Variants in SNX29 observed in about 807,000 individuals in gnomAD.
SNX29 encodes sorting nexin 29, also known as sorting nexin-29.
In SNX29, 78 loss-of-function variants were observed where a neutral mutation model predicts 102.1. The observed-to-expected ratio is 0.76, with a 90% confidence interval of 0.64 to 0.92. The LOEUF is 0.92. Ranked by LOEUF, SNX29 falls within the 40% of genes least tolerant of loss-of-function variation. The pLI, the probability that SNX29 is intolerant of heterozygous loss-of-function variation, is 0.00. For synonymous variants in SNX29, 580 were observed against 414.5 expected, an observed-to-expected ratio of 1.40 and a Z score of -4.85; for missense variants, 1,280 against 1,061.7, an observed-to-expected ratio of 1.21 and a Z score of -2.86.
intron 19 of SNX29, among the ~76,000 whole-genome samples, chr16:12,499,494 C>T (rs915908724): frequency 6.6e-6 from 1 of 152,184 alleles, no homozygotes. Flanking sequence ...GCTTAGGCCA[C>T]ATAGCTCTGC....
At chr16:12,527,590 A>C (rs188956029) in intron 20 of SNX29, among the ~76,000 whole-genome samples, 22 of 152,226 alleles carry the variant, frequency 1.4e-4, no homozygotes, top group Admixed American at 1.4e-3. Flanking sequence ...CGTCTTCTGG[A>C]GAGCCAATGA....
intron 13 of SNX29, among the ~76,000 whole-genome samples, chr16:12,190,660 G>C (rs1475798794): frequency 6.6e-6 from 1 of 152,162 alleles, no homozygotes; most frequent in Non-Finnish European, 1.5e-5. Context: ...GGCTGGTATG[G>C]GCAACAGGGA....
intron 1 of SNX29, among the ~76,000 whole-genome samples, chr16:11,990,292 G>A (rs2055799094): frequency 6.6e-6 from 1 of 152,172 alleles, no homozygotes; most frequent in South Asian, 2.1e-4. Flanking sequence ...TGAAAAACCA[G>A]GAGATGGGGC....
chr16:12,264,383 A>G (rs2078865174), intron 14 of SNX29, among the ~76,000 whole-genome samples: 1 of 152,252 alleles, frequency 6.6e-6, no homozygotes, highest in African/African-American at 2.4e-5. Context: ...GCTTTGTTCC[A>G]TAAACCCAGG....
intron 20 of SNX29, among the ~76,000 whole-genome samples, chr16:12,530,797 C>T (rs778035507): frequency 2.0e-5 from 3 of 152,216 alleles, no homozygotes; most frequent in Non-Finnish European, 4.4e-5. Flanking sequence ...CTCCAGTGAT[C>T]CACCCGCCTT....
chr16:12,036,626 G>A (rs1333232076), intron 4 of SNX29, among the ~76,000 whole-genome samples: 1 of 148,252 alleles, frequency 6.7e-6, no homozygotes, highest in African/African-American at 2.5e-5. Flanking sequence ...GAGCCACCGC[G>A]CCCAGCGGGT....
chr16:12,544,115 A>G (rs1291652464), intron 20 of SNX29, among the ~76,000 whole-genome samples: 4 of 152,208 alleles, frequency 2.6e-5, no homozygotes, highest in African/African-American at 9.7e-5. Flanking sequence ...GCTGTTAAGG[A>G]AAACAAGTCC....
chr16:12,060,287 A>T (rs1261844988), intron 8 of SNX29, among the ~76,000 whole-genome samples: 2 of 152,300 alleles, frequency 1.3e-5, no homozygotes, highest in East Asian at 3.9e-4. Flanking sequence ...CAAATACTAC[A>T]CCGTTTTACA....
At chr16:12,237,479 G>C (rs1356162438) in intron 14 of SNX29, among the ~76,000 whole-genome samples, 2 of 152,234 alleles carry the variant, frequency 1.3e-5, no homozygotes, top group African/African-American at 4.8e-5. Context: ...ATAGGATTTA[G>C]ATGGGGCCTG....
At chr16:11,978,882 G>A (rs543258764) in intron 1 of SNX29, among the ~76,000 whole-genome samples, 1 of 152,082 alleles carries the variant, frequency 6.6e-6, no homozygotes, top group East Asian at 1.9e-4. Context: ...CCAAGATCAA[G>A]CCACTGCACT....
chr16:12,428,753 T>C (rs151258637), intron 18 of SNX29, among the ~76,000 whole-genome samples: 1 of 152,308 alleles, frequency 6.6e-6, no homozygotes, highest in East Asian at 1.9e-4. Flanking sequence ...CTATTGCAAT[T>C]AATATCTCCT....
At chr16:12,357,938 A>G (rs982433112) in intron 16 of SNX29, among the ~76,000 whole-genome samples, 10 of 152,140 alleles carry the variant, frequency 6.6e-5, no homozygotes, top group Non-Finnish European at 2.9e-5. Flanking sequence ...ATTTCCTTAA[A>G]TTAGAGGCTT....
At chr16:12,530,068 T>G (rs545608531) in intron 20 of SNX29, among the ~76,000 whole-genome samples, 1 of 152,332 alleles carries the variant, frequency 6.6e-6, no homozygotes, top group South Asian at 2.1e-4. Context: ...TCGGCACCGT[T>G]CCAACTACTC....
At chr16:12,413,796 G>A (rs2084507234) in intron 18 of SNX29, among the ~76,000 whole-genome samples, 1 of 152,224 alleles carries the variant, frequency 6.6e-6, no homozygotes, top group Admixed American at 6.5e-5. Context: ...CCGCCTTGCT[G>A]AGAGTGGCCT....
At chr16:12,513,475 G>A (rs548856691) in intron 19 of SNX29, among the ~76,000 whole-genome samples, 1 of 150,738 alleles carries the variant, frequency 6.6e-6, no homozygotes, top group Admixed American at 6.6e-5. Context: ...CTTCCCTTCC[G>A]TACCCTTGCA....
At chr16:12,549,315 CA>C (rs957372162) in intron 20 of SNX29, among the ~76,000 whole-genome samples, 2 of 152,074 alleles carry the variant, frequency 1.3e-5, no homozygotes, top group African/African-American at 4.8e-5. Flanking sequence ...GTCAATATGA[CA>C]AAACCCCATG....
At chr16:12,078,593 C>A (rs1174426040) in intron 10 of SNX29, among the ~76,000 whole-genome samples, 1 of 152,170 alleles carries the variant, frequency 6.6e-6, no homozygotes, top group Admixed American at 6.6e-5. Context: ...TGCACGTGTT[C>A]ATGAATGATT....
At chr16:11,997,586 T>C (rs1038403582) in intron 1 of SNX29, among the ~76,000 whole-genome samples, 6 of 152,120 alleles carry the variant, frequency 3.9e-5, no homozygotes, top group Admixed American at 3.9e-4. Flanking sequence ...CAAGTGATCC[T>C]TCCACTTCTG....
chr16:12,061,069 T>C (rs1427422822), intron 8 of SNX29, among the ~76,000 whole-genome samples: 1 of 152,160 alleles, frequency 6.6e-6, no homozygotes. Context: ...CAAGCCTTTG[T>C]CCCTCCTCTT....
Sources: allele counts gnomAD v4.1 joint callset (sites outside exome capture counted in the v4.1 genomes callset), GRCh38; gene constraint gnomAD v4.1.1; transcripts MANE v1.5; gene names NCBI Gene and HGNC (gene_info 2026-07-23, HGNC 2026-07-21).